The following PTPRK variants were observed in gnomAD, a reference collection of about 807,000 sequenced individuals.
PTPRK encodes the protein protein tyrosine phosphatase receptor type K.
In PTPRK, 75 loss-of-function variants were observed where a neutral mutation model predicts 178.0. The ratio of observed to expected loss-of-function variants is 0.42; its 90% CI spans 0.35 to 0.51. The LOEUF is 0.51. Among genes scored for constraint, PTPRK ranks in the 20% least tolerant of loss-of-function variants. The pLI is 0.02. For missense variants in PTPRK, 1,441 were observed against 1,797.8 expected, an observed-to-expected ratio of 0.80 and a Z score of 3.59; for synonymous variants, 637 against 620.6, an observed-to-expected ratio of 1.03 and a Z score of -0.39.
At chr6:128,075,067 C>T (rs1783541345) in intron 11 of PTPRK, among the ~76,000 whole-genome samples, 1 of 151,996 alleles carries the variant, frequency 6.6e-6, no homozygotes, top group Non-Finnish European at 1.5e-5. Flanking sequence ...AAGCTACCAT[C>T]TTCTCTCACC....
At chr6:128,504,002 T>C (rs984336919) in intron 1 of PTPRK, among the ~76,000 whole-genome samples, 1 of 152,156 alleles carries the variant, frequency 6.6e-6, no homozygotes, top group African/African-American at 2.4e-5. Flanking sequence ...AACAAGACCA[T>C]ATTAAGAACA....
intron 7 of PTPRK, among the ~76,000 whole-genome samples, chr6:128,155,313 A>AC (rs201989208): frequency 0.022 from 3,325 of 151,812 alleles, 98 homozygotes; most frequent in African/African-American, 0.046. Context: ...ACAGCCATTA[A>AC]AATCATCACC....
intron 3 of PTPRK, among the ~76,000 whole-genome samples, chr6:128,265,472 A>G (rs919295993): frequency 1.3e-5 from 2 of 152,136 alleles, no homozygotes; most frequent in African/African-American, 2.4e-5. Flanking sequence ...TGGTTCTTGT[A>G]ACAACCCTAT....
At chr6:128,039,677 AGAGCT>A (rs1247198359) in intron 13 of PTPRK, among the ~76,000 whole-genome samples, 2 of 152,220 alleles carry the variant, frequency 1.3e-5, no homozygotes, top group East Asian at 3.8e-4. Context: ...GTGTCTTAGC[AGAGCT>A]GGGGAACTGT....
chr6:128,342,477 C>T (rs1364590452), intron 2 of PTPRK, among the ~76,000 whole-genome samples: 1 of 151,848 alleles, frequency 6.6e-6, no homozygotes, highest in East Asian at 1.9e-4. Context: ...TTGTAATTGC[C>T]TACTAAGCCA....
chr6:127,978,176 G>A (rs760730757), intron 25 of PTPRK, among the ~76,000 whole-genome samples: 10 of 152,142 alleles, frequency 6.6e-5, no homozygotes, highest in African/African-American at 1.4e-4. Flanking sequence ...CAAGTTACAC[G>A]TGCAGCTGGG....
chr6:128,278,339 G>T (rs1202224900), intron 3 of PTPRK, among the ~76,000 whole-genome samples: 3 of 151,930 alleles, frequency 2.0e-5, no homozygotes, highest in Non-Finnish European at 4.4e-5. Context: ...TGTATTTTTA[G>T]TAGAGACAGT....
intron 27 of PTPRK, 81 bp downstream of exon 27, chr6:127,976,576 G>A: frequency 6.6e-7 from 1 of 1,516,782 alleles, no homozygotes; most frequent in Non-Finnish European, 9.1e-7. Context: ...TAGTCTCCCT[G>A]TTGTCTGAAT....
chr6:128,071,931 A>T (rs1782895782), intron 11 of PTPRK, among the ~76,000 whole-genome samples: 1 of 152,090 alleles, frequency 6.6e-6, no homozygotes, highest in Non-Finnish European at 1.5e-5. Context: ...TAATTAAAAG[A>T]TGAAATAAGA....
At chr6:128,310,647 C>T (rs1319428006) in intron 3 of PTPRK, among the ~76,000 whole-genome samples, 1 of 152,088 alleles carries the variant, frequency 6.6e-6, no homozygotes, top group Admixed American at 6.6e-5. Flanking sequence ...AGTGGCACCG[C>T]AAAAAGGAAC....
chr6:127,970,353 G>T (rs1005976418), intron 29 of PTPRK, 73 bp from the exon 30 acceptor site: 13 of 1,234,220 alleles, frequency 1.1e-5, no homozygotes, highest in South Asian at 4.0e-5. Context: ...GTTACCAAAT[G>T]AAACTTGACA....
chr6:128,321,720 T>A (rs771409354), intron 3 of PTPRK: 1 of 678,932 alleles, frequency 1.5e-6, no homozygotes, highest in East Asian at 2.7e-5. Context: ...TGTCAATAAG[T>A]AGCTCTTTGT....
At chr6:128,067,416 T>C in intron 12 of PTPRK, 103 bp downstream of exon 12, 1 of 1,307,974 alleles carries the variant, frequency 7.6e-7, no homozygotes, top group Non-Finnish European at 1.0e-6. Flanking sequence ...GCAAATTTTC[T>C]TTTTCTTTTT....
At chr6:128,252,717 C>A (rs962056001) in intron 3 of PTPRK, among the ~76,000 whole-genome samples, 27 of 152,164 alleles carry the variant, frequency 1.8e-4, no homozygotes, top group African/African-American at 6.5e-4. Flanking sequence ...CCACAGTTCC[C>A]AGCAGCAGAG....
intron 1 of PTPRK, among the ~76,000 whole-genome samples, chr6:128,409,070 A>G (rs1238358245): frequency 6.6e-6 from 1 of 152,214 alleles, no homozygotes; most frequent in African/African-American, 2.4e-5. Context: ...GAGATATGTG[A>G]CATAAAAGTG....
chr6:128,478,975 G>A (rs1359527314), intron 1 of PTPRK, among the ~76,000 whole-genome samples: 2 of 151,854 alleles, frequency 1.3e-5, no homozygotes, highest in African/African-American at 4.8e-5. Flanking sequence ...GTGCTCCTGG[G>A]CTCCCACTCC....
At chr6:128,174,584 G>A (rs1447773667) in intron 7 of PTPRK, among the ~76,000 whole-genome samples, 1 of 151,788 alleles carries the variant, frequency 6.6e-6, no homozygotes, top group African/African-American at 2.4e-5. Context: ...TTCACAACCA[G>A]CTGGCAAAAT....
At chr6:128,240,221 G>C (rs1344468264) in intron 4 of PTPRK, 71 bp from the exon 5 acceptor site, 1 of 1,122,290 alleles carries the variant, frequency 8.9e-7, no homozygotes. Context: ...CTTTTCTCCA[G>C]CTGAATATTA....
chr6:128,399,981 A>T (rs1337403768), intron 1 of PTPRK, among the ~76,000 whole-genome samples: 1 of 152,210 alleles, frequency 6.6e-6, no homozygotes, highest in Non-Finnish European at 1.5e-5. Context: ...GTCTAATCCA[A>T]GAGGCATAAA....
Sources: gnomAD v4.1 joint callset for allele counts (sites outside exome capture counted in the v4.1 genomes callset) on GRCh38, gnomAD v4.1.1 for gene constraint, MANE v1.5 for transcripts, NCBI Gene and HGNC (gene_info 2026-07-23, HGNC 2026-07-21) for gene names.